The following PCDH9 variants were observed in gnomAD, a reference collection of about 807,000 sequenced individuals.
PCDH9 encodes the protein protocadherin 9, also known as protocadherin-9.
PCDH9 carries 24 observed loss-of-function variants against 70.6 expected under a neutral mutation model. The observed-to-expected ratio is 0.34, with a 90% confidence interval of 0.25 to 0.48. The LOEUF (loss-of-function observed/expected upper bound fraction) is 0.48, where lower values mean the gene tolerates loss of function less well. PCDH9 is among the 20% of genes least tolerant of loss of function. The pLI is 0.99. For missense variants in PCDH9, 1,281 were observed against 1,503.6 expected (o/e 0.85, Z 2.45); for synonymous variants, 562 against 558.5 (o/e 1.01, Z -0.09).
At chr13:67,201,774 T>C (rs2089219071) in intron 2 of PCDH9, 1 of 152,008 alleles carries the variant, frequency 6.6e-6, no homozygotes, top group Admixed American at 6.6e-5. Context: ...CCTATAATTC[T>C]TTAATAATAA....
chr13:67,052,479 G>T (rs2085341099), intron 2 of PCDH9, among the ~76,000 whole-genome samples: 1 of 151,992 alleles, frequency 6.6e-6, no homozygotes, highest in Non-Finnish European at 1.5e-5. Flanking sequence ...TTATCTGAAG[G>T]CTAAGTGAAA....
chr13:67,034,087 C>T (rs260149), intron 2 of PCDH9, among the ~76,000 whole-genome samples: 3,565 of 152,168 alleles, frequency 0.023, 134 homozygotes, highest in African/African-American at 0.08. Flanking sequence ...CAGGTTCAAG[C>T]GATTCTCCTG....
intron 2 of PCDH9, chr13:67,202,031 A>G (rs2089225852): frequency 6.6e-6 from 1 of 152,080 alleles, no homozygotes; most frequent in African/African-American, 2.4e-5. Flanking sequence ...GCTATTTTTC[A>G]GAAATAAAAT....
intron 2 of PCDH9, among the ~76,000 whole-genome samples, chr13:66,970,550 G>T (rs552012164): frequency 6.7e-6 from 1 of 150,312 alleles, no homozygotes; most frequent in South Asian, 2.1e-4. Context: ...TGAGACAAAA[G>T]GATTGCTTCA....
At chr13:66,799,504 T>C (rs2080294625) in intron 3 of PCDH9, among the ~76,000 whole-genome samples, 1 of 152,138 alleles carries the variant, frequency 6.6e-6, no homozygotes, top group Non-Finnish European at 1.5e-5. Flanking sequence ...TCCAATAAAC[T>C]TGTGTTCCTC....
chr13:66,952,796 G>A (rs1218328105), intron 2 of PCDH9, among the ~76,000 whole-genome samples: 3 of 151,958 alleles, frequency 2.0e-5, no homozygotes, highest in African/African-American at 7.3e-5. Context: ...TAGACAGCAG[G>A]GGCACGGAAC....
intron 4 of PCDH9, among the ~76,000 whole-genome samples, chr13:66,529,620 T>G (rs1056509385): frequency 2.0e-5 from 3 of 152,078 alleles, no homozygotes; most frequent in Non-Finnish European, 4.4e-5. Flanking sequence ...GCAATCTCTT[T>G]TTATTACAAG....
chr13:66,647,179 T>C (rs1269601737), intron 3 of PCDH9, among the ~76,000 whole-genome samples: 2 of 152,132 alleles, frequency 1.3e-5, no homozygotes, highest in Admixed American at 6.5e-5. Flanking sequence ...CCCAGTGGAC[T>C]TGGGGAGTAG....
At chr13:66,920,497 A>G (rs954769902) in intron 2 of PCDH9, among the ~76,000 whole-genome samples, 2 of 150,972 alleles carry the variant, frequency 1.3e-5, no homozygotes, top group Admixed American at 6.6e-5. Flanking sequence ...ACCTCAGCAC[A>G]TAATTTCTTA....
At chr13:66,536,199 G>GTTCT (rs1457242488) in intron 4 of PCDH9, among the ~76,000 whole-genome samples, 6 of 151,976 alleles carry the variant, frequency 3.9e-5, no homozygotes, top group African/African-American at 1.4e-4. Flanking sequence ...TAAATAATAT[G>GTTCT]TTCTTTGGGT....
Position 67,225,806 on chromosome 13 carries a change from T to G in PCDH9, c.2635A>C (p.Ser879Arg). 1 of 1,614,126 alleles carries G rather than the reference T, an allele frequency of 6.2e-7. No homozygotes were observed. The highest frequency in any genetic ancestry group is 8.5e-7 in the Non-Finnish European group (1 of 1,179,994). The change falls in exon 2 of 5, where the codon AGC (serine) becomes CGC (arginine). Residue 879 changes from serine to arginine, a missense_variant. This residue lies in a region of PCDH9 where 207 missense variants were observed against 191.8 expected (regional missense o/e 1.08). Transcript: ENST00000377865. ...ATAGTAACAAAGTTCAAAAGAGAGC[T>G]TTTGGGAGACTTCCTTTTCTTTCTT... ...KKRKKRKSPK[S>R]SLLNFVTIEE...
chr13:67,087,893 A>G (rs2086140546), intron 2 of PCDH9, among the ~76,000 whole-genome samples: 1 of 152,066 alleles, frequency 6.6e-6, no homozygotes, highest in African/African-American at 2.4e-5. Context: ...CTTTTAAAAC[A>G]AGATAGATGT....
chr13:66,854,742 C>G (rs995960418), intron 3 of PCDH9, among the ~76,000 whole-genome samples: 3 of 151,962 alleles, frequency 2.0e-5, no homozygotes, highest in African/African-American at 7.2e-5. Flanking sequence ...ATATGCTTTA[C>G]AGAGGAAATG....
At chr13:66,708,027 A>T (rs1041481304) in intron 3 of PCDH9, among the ~76,000 whole-genome samples, 4 of 152,006 alleles carry the variant, frequency 2.6e-5, no homozygotes, top group African/African-American at 9.7e-5. Context: ...AACACAGATA[A>T]CACTTTTATT....
intron 2 of PCDH9, among the ~76,000 whole-genome samples, chr13:66,930,223 T>A (rs1453794279): frequency 6.6e-6 from 1 of 152,190 alleles, no homozygotes. Context: ...TTCAATACTG[T>A]AACACCAATT....
At chr13:66,538,921 T>C (rs1280962160) in intron 4 of PCDH9, among the ~76,000 whole-genome samples, 1 of 152,112 alleles carries the variant, frequency 6.6e-6, no homozygotes, top group Non-Finnish European at 1.5e-5. Context: ...ATATTAAATA[T>C]AGTGTCTTCC....
chr13:66,536,857 T>G (rs1396266806), intron 4 of PCDH9, among the ~76,000 whole-genome samples: 3 of 152,008 alleles, frequency 2.0e-5, no homozygotes, highest in African/African-American at 4.8e-5. Context: ...TTTAACAATA[T>G]GTAAACAGAC....
chr13:67,079,035 C>T (rs865863620), intron 2 of PCDH9, among the ~76,000 whole-genome samples: 1 of 151,938 alleles, frequency 6.6e-6, no homozygotes, highest in East Asian at 1.9e-4. Flanking sequence ...TAAGGCCAGA[C>T]GCAGTGGCTC....
At chr13:66,884,398 A>G (rs2081972839) in intron 3 of PCDH9, among the ~76,000 whole-genome samples, 1 of 152,152 alleles carries the variant, frequency 6.6e-6, no homozygotes, top group Non-Finnish European at 1.5e-5. Flanking sequence ...CTGATTCTTA[A>G]TTTGTGTGAG....
Sources: gnomAD v4.1 joint callset for allele counts (sites outside exome capture counted in the v4.1 genomes callset) on GRCh38, gnomAD v4.1.1 for gene constraint, gnomAD v4.1.1 regional missense constraint, MANE v1.5 for transcripts, NCBI Gene and HGNC (gene_info 2026-07-23, HGNC 2026-07-21) for gene names.